Variants in COL10A1 observed in about 807,000 individuals in gnomAD.
COL10A1 encodes the protein collagen type X alpha 1 chain, also known as collagen alpha-1(X) chain.
COL10A1 carries 10 observed loss-of-function variants against 18.2 expected under a neutral mutation model. That is an observed-to-expected ratio of 0.55 (90% CI 0.34 to 0.93). The LOEUF (loss-of-function observed/expected upper bound fraction) is 0.93. COL10A1 is among the 40% of genes least tolerant of loss of function. The pLI is 0.02. For missense variants in COL10A1, 897 were observed against 853.5 expected (o/e 1.05, Z -0.64); for synonymous variants, 330 against 316.6 (o/e 1.04, Z -0.45).
chr6:116,133,038 G>A (rs752271231), intron 1 of COL10A1, among the ~76,000 whole-genome samples: 1 of 152,144 alleles, frequency 6.6e-6, no homozygotes, highest in Non-Finnish European at 1.5e-5. Flanking sequence ...GTCAGATCAG[G>A]TCAAGAAAAA....
At chr6:116,135,854 TATATATATATATATATATAC>T (rs1324607695) in intron 1 of COL10A1, among the ~76,000 whole-genome samples, 3 of 118,084 alleles carry the variant, frequency 2.5e-5, no homozygotes, top group African/African-American at 3.4e-5. Context: ...TATATATATA[TATATATATATATATATATAC>T]ACACATACAC....
chr6:116,195,917 G>A, the COL10A1 span, among the ~76,000 whole-genome samples: 1 of 152,162 alleles, frequency 6.6e-6, no homozygotes, highest in East Asian at 1.9e-4. Flanking sequence ...GGAAGGTGGA[G>A]ATGGAGAGAG....
chr6:116,185,170 T>G, the COL10A1 span, among the ~76,000 whole-genome samples: 2 of 152,114 alleles, frequency 1.3e-5, no homozygotes, highest in African/African-American at 4.8e-5. Context: ...TTTGCATGAT[T>G]TTGAGGGTTC....
chr6:116,182,139 C>G, the COL10A1 span, among the ~76,000 whole-genome samples: 1 of 151,912 alleles, frequency 6.6e-6, no homozygotes, highest in South Asian at 2.1e-4. Context: ...TGAGTTACTT[C>G]ACCTAGAACC....
chr6:116,188,613 G>A, the COL10A1 span, among the ~76,000 whole-genome samples: 2 of 151,700 alleles, frequency 1.3e-5, no homozygotes, highest in African/African-American at 4.8e-5. Context: ...AGGTAGTAAA[G>A]CCAGAAAAGT....
chr6:116,120,599 A>T lies in COL10A1; in HGVS notation c.1517T>A (p.Leu506His). The T allele has an allele frequency of 6.3e-7, 1 of 1,582,486 alleles. No homozygotes were observed. Among genetic ancestry groups the T allele is most frequent in the Admixed American group, 1.9e-5 (1 of 53,772 alleles). ...GCCTGGAGGCCCAGGGGGCCCTGGA[A>T]GACCAGGCTCTCCAGAGTGGCCTCT... ...GPRGHSGEPG[L>H]PGPPGPPGPP... The change falls in exon 3 of 3, where the codon CTT becomes CAT. Residue 506 changes from leucine to histidine, a missense_variant. Leu to His is a moderately conservative substitution (Grantham distance 99). Coordinates refer to ENST00000651968, the MANE Select transcript of COL10A1 (RefSeq NM_000493.4).
In COL10A1 at chr6:116,119,888, A is replaced by G; in HGVS notation, c.*185T>C. 1 of 615,638 alleles carries G rather than the reference A, an allele frequency of 1.6e-6. No individual in the cohort carries two copies. The highest frequency in any genetic ancestry group is 2.9e-6 in the Non-Finnish European group (1 of 350,626). 38.1% of individuals were successfully genotyped at this position (615,638 alleles called of 1,614,324 possible). On this transcript the variant is annotated 3_prime_UTR_variant, in exon 3 of 3. Coordinates refer to ENST00000651968, the MANE Select transcript of COL10A1 (RefSeq NM_000493.4). ...TAACTAGAAATTCAAGAGAGGCTTC[A>G]CATACGTTTTTACGTTGCTGCTCAC...
the COL10A1 span, among the ~76,000 whole-genome samples, chr6:116,201,758 C>A: frequency 6.6e-6 from 1 of 151,974 alleles, no homozygotes; most frequent in African/African-American, 2.4e-5. Context: ...ACAGCCTAAG[C>A]CACTTGATTC....
Position 116,139,032 on chromosome 6 carries a change from A to G in COL10A1, c.-15-13525T>C, listed in dbSNP as rs554455531. On this transcript the variant is annotated intron_variant, in intron 1 of 1. Coordinates refer to the COL10A1 transcript ENST00000418500. Reference sequence around the variant, plus strand: ...TTAGTAAATGATATTTTGATCATACATGATTTAGAAAATGACTGATAAAAT... The same window carrying G: ...TTAGTAAATGATATTTTGATCATACGTGATTTAGAAAATGACTGATAAAAT... Among the ~76,000 whole-genome samples the G allele has an allele frequency of 5.8e-4, 88 of 152,286 alleles. 3 individuals are homozygous for G. Among genetic ancestry groups the G allele is most frequent in the African/African-American group, 2.1e-3 (87 of 41,546 alleles).
At chr6:116,126,741 A>G (rs1342103455), upstream of COL10A1, among the ~76,000 whole-genome samples, 1 of 152,138 alleles carries the variant, frequency 6.6e-6, no homozygotes, top group Non-Finnish European at 1.5e-5. Context: ...TTAGAGTTGC[A>G]GTAGAGTTTG....
At chr6:116,176,574 AAC>A in the COL10A1 span, among the ~76,000 whole-genome samples, 1 of 152,222 alleles carries the variant, frequency 6.6e-6, no homozygotes, top group Non-Finnish European at 1.5e-5. Context: ...AAAGATATCA[AAC>A]ACAGTACCAT....
chr6:116,121,825 T>A lies in COL10A1; in HGVS notation c.291A>T (p.Pro97=). The stretch of plus-strand genomic sequence containing the variant: ...CTACAGCTGATGGTCCCGGTGGTCC[T>A]GGCAACCCTGGCTCTCCTTGGAGTC... ...SPGLQGEPGL[P]GPPGPSAVGK... Residue 97 remains proline (P), a synonymous_variant, in exon 3 of 3, where the codon CCA becomes CCT. Transcript: ENST00000651968. 1 of 1,613,874 alleles carries A rather than the reference T, an allele frequency of 6.2e-7. No homozygotes were observed. Among genetic ancestry groups the A allele is most frequent in the Non-Finnish European group, 8.5e-7 (1 of 1,179,944 alleles).
chr6:116,121,089 T>C lies in COL10A1; in HGVS notation c.1027A>G (p.Met343Val). The part of the protein sequence containing the change: ...KPGLTGPPGN[M>V]GPQGPKGIPG... ...ATGCCTTTTGGTCCTTGGGGTCCCA[T>C]ATTCCCAGGGGGTCCAGTCAGACCT... The change falls in exon 3 of 3, where the codon ATG becomes GTG. Residue 343 changes from methionine to valine, a missense_variant. By Grantham distance (21) the Met-to-Val change is conservative. Transcript: ENST00000651968. 6.2e-7 allele frequency: 1 copy of C among 1,613,914 alleles called. No homozygotes were observed. The highest frequency in any genetic ancestry group is 1.1e-5 in the South Asian group (1 of 91,078).
chr6:116,144,650 A>T (rs1562137111), intron 1 of COL10A1, among the ~76,000 whole-genome samples: 1 of 152,120 alleles, frequency 6.6e-6, no homozygotes, highest in African/African-American at 2.4e-5. Flanking sequence ...TAGTAAACGG[A>T]CTCTTAGATT....
At chr6:116,159,859 T>C (rs1780287757), upstream of COL10A1, among the ~76,000 whole-genome samples, 1 of 152,208 alleles carries the variant, frequency 6.6e-6, no homozygotes, top group Non-Finnish European at 1.5e-5. Flanking sequence ...TGTGAGAACA[T>C]GCGATATTTG....
chr6:116,180,643 C>G, the COL10A1 span, among the ~76,000 whole-genome samples: 4 of 152,140 alleles, frequency 2.6e-5, no homozygotes, highest in South Asian at 2.1e-4. Context: ...ATATCAAACC[C>G]AGATTGTATT....
chr6:116,170,798 G>C, the COL10A1 span, among the ~76,000 whole-genome samples: 1 of 152,090 alleles, frequency 6.6e-6, no homozygotes, highest in African/African-American at 2.4e-5. Context: ...ACCTTCAGTT[G>C]ATCACCTTAG....
chr6:116,131,188 C>T (rs912367573), intron 1 of COL10A1, among the ~76,000 whole-genome samples: 2 of 152,028 alleles, frequency 1.3e-5, no homozygotes, highest in African/African-American at 2.4e-5. Flanking sequence ...CCAGAAAACC[C>T]GATCACAAAA....
chr6:116,202,103 T>G, the COL10A1 span, among the ~76,000 whole-genome samples: 16 of 152,122 alleles, frequency 1.1e-4, no homozygotes, highest in South Asian at 1.0e-3. Context: ...AGGAACTGAC[T>G]TAAATTTTAC....
Sources: gnomAD v4.1 joint callset for allele counts (sites outside exome capture counted in the v4.1 genomes callset) on GRCh38, gnomAD v4.1.1 for gene constraint, MANE v1.5 for transcripts, NCBI Gene and HGNC (gene_info 2026-07-23, HGNC 2026-07-21) for gene names.